CDH13: variants seen among roughly 807,000 people sequenced by gnomAD.
The protein encoded by CDH13 is cadherin 13.
In CDH13, 24 loss-of-function variants were observed where a neutral mutation model predicts 63.8. That is an observed-to-expected ratio of 0.38 (90% CI 0.27 to 0.53). CDH13 has a LOEUF of 0.53. Ranked by LOEUF, CDH13 falls within the 20% of genes least tolerant of loss-of-function variation. CDH13 has a pLI of 0.85. For missense variants in CDH13, 1,049 were observed against 903.1 expected, an observed-to-expected ratio of 1.16 and a Z score of -2.07; for synonymous variants, 503 against 355.3, an observed-to-expected ratio of 1.42 and a Z score of -4.67.
intron 3 of CDH13, among the ~76,000 whole-genome samples, chr16:83,043,140 G>A (rs1442903041): frequency 2.6e-5 from 4 of 152,066 alleles, no homozygotes; most frequent in African/African-American, 9.7e-5. Flanking sequence ...TGTTTATGTG[G>A]CTCTTAGCTC....
At chr16:82,807,065 A>G (rs2037180562) in intron 1 of CDH13, among the ~76,000 whole-genome samples, 1 of 151,346 alleles carries the variant, frequency 6.6e-6, no homozygotes. Context: ...TCTAAGTATA[A>G]GCTTTTGCAG....
At chr16:82,804,686 C>T (rs1484743492) in intron 1 of CDH13, among the ~76,000 whole-genome samples, 1 of 152,106 alleles carries the variant, frequency 6.6e-6, no homozygotes, top group African/African-American at 2.4e-5. Context: ...GTAGGAATCT[C>T]CTTACCCTTC....
At chr16:83,793,877 C>G (rs1193920065) in intron 13 of CDH13, among the ~76,000 whole-genome samples, 1 of 151,736 alleles carries the variant, frequency 6.6e-6, no homozygotes, top group Non-Finnish European at 1.5e-5. Context: ...GGGAGAGTAT[C>G]TTGGATTAGC....
At chr16:83,399,270 T>C (rs1382613293) in intron 6 of CDH13, among the ~76,000 whole-genome samples, 3 of 152,250 alleles carry the variant, frequency 2.0e-5, no homozygotes, top group African/African-American at 7.2e-5. Flanking sequence ...GCAGGCTTAT[T>C]ATGATGATCA....
intron 2 of CDH13, among the ~76,000 whole-genome samples, chr16:83,003,370 T>C (rs970857756): frequency 2.6e-5 from 4 of 152,088 alleles, no homozygotes; most frequent in Non-Finnish European, 4.4e-5. Context: ...AATTTATCTA[T>C]TTAACTGGCT....
At chr16:83,628,316 C>T (rs1229610199) in intron 8 of CDH13, among the ~76,000 whole-genome samples, 1 of 152,164 alleles carries the variant, frequency 6.6e-6, no homozygotes, top group Non-Finnish European at 1.5e-5. Flanking sequence ...CCTTGTTGCC[C>T]AGGCTGGTCT....
At chr16:82,995,493 G>A (rs150584783) in intron 2 of CDH13, among the ~76,000 whole-genome samples, 1 of 152,204 alleles carries the variant, frequency 6.6e-6, no homozygotes, top group African/African-American at 2.4e-5. Context: ...AGCTGAAAAG[G>A]GTAACATGGA....
At chr16:83,399,963 C>G (rs2091943411) in intron 6 of CDH13, among the ~76,000 whole-genome samples, 1 of 152,182 alleles carries the variant, frequency 6.6e-6, no homozygotes, top group African/African-American at 2.4e-5. Context: ...CAAAAAACCA[C>G]CTATGTGTTG....
intron 4 of CDH13, among the ~76,000 whole-genome samples, chr16:83,146,325 TA>T (rs1406328726): frequency 7.2e-5 from 11 of 152,242 alleles, no homozygotes; most frequent in Admixed American, 6.5e-4. Context: ...TATGTCTAGA[TA>T]ACTCCATCAC....
chr16:82,627,290 C>T, intron 1 of CDH13, 153 bp downstream of exon 1: 3 of 691,890 alleles, frequency 4.3e-6, no homozygotes, highest in Non-Finnish European at 5.2e-6. Flanking sequence ...CATTCCGAGC[C>T]CAGAGATCCT....
chr16:83,137,161 T>G (rs577689769), intron 4 of CDH13, among the ~76,000 whole-genome samples: 1 of 152,344 alleles, frequency 6.6e-6, no homozygotes, highest in African/African-American at 2.4e-5. Flanking sequence ...GGGTTGCAGC[T>G]GGTCTCATGC....
At chr16:83,794,020 T>C (rs776653430) in intron 13 of CDH13, among the ~76,000 whole-genome samples, 6 of 151,956 alleles carry the variant, frequency 3.9e-5, no homozygotes, top group Non-Finnish European at 8.8e-5. Flanking sequence ...GTGCTGCCTC[T>C]GAAGATGAAG....
chr16:83,464,817 T>C (rs372549977), intron 6 of CDH13, among the ~76,000 whole-genome samples: 3 of 152,162 alleles, frequency 2.0e-5, no homozygotes, highest in African/African-American at 7.2e-5. Flanking sequence ...CAGAAAGTGA[T>C]AATGTATTTT....
At chr16:83,148,675 A>G (rs2036853107) in intron 4 of CDH13, among the ~76,000 whole-genome samples, 1 of 152,184 alleles carries the variant, frequency 6.6e-6, no homozygotes, top group African/African-American at 2.4e-5. Context: ...GTATGGTGTT[A>G]TTATTATTAT....
At chr16:82,990,029 C>G (rs140298682) in intron 2 of CDH13, 254 of 152,112 alleles carry the variant, frequency 1.7e-3, no homozygotes, top group African/African-American at 5.9e-3. Context: ...TCAGGCAATT[C>G]TCTTATTTCA....
At chr16:83,779,727 G>A (rs530757565) in intron 11 of CDH13, among the ~76,000 whole-genome samples, 13 of 152,074 alleles carry the variant, frequency 8.5e-5, no homozygotes, top group South Asian at 2.1e-4. Context: ...GTGTGGTGGC[G>A]TGCACCTGTG....
intron 3 of CDH13, among the ~76,000 whole-genome samples, chr16:83,094,226 G>A (rs1379059844): frequency 6.6e-6 from 1 of 152,196 alleles, no homozygotes; most frequent in Admixed American, 6.5e-5. Flanking sequence ...TGCACGTGAA[G>A]ATATCTGAGC....
At chr16:83,108,550 A>C (rs993374614) in intron 3 of CDH13, among the ~76,000 whole-genome samples, 1 of 152,336 alleles carries the variant, frequency 6.6e-6, no homozygotes, top group South Asian at 2.1e-4. Flanking sequence ...CAAAGGGCAC[A>C]AACTTCCTTA....
At chr16:82,970,416 G>A (rs1321977229) in intron 2 of CDH13, among the ~76,000 whole-genome samples, 2 of 88,826 alleles carry the variant, frequency 2.3e-5, no homozygotes, top group African/African-American at 3.8e-5. Context: ...TTTTTGAGAC[G>A]GAGTCTCGCT....
Sources: gnomAD v4.1 joint callset for allele counts (sites outside exome capture counted in the v4.1 genomes callset) on GRCh38, gnomAD v4.1.1 for gene constraint, MANE v1.5 for transcripts, NCBI Gene and HGNC (gene_info 2026-07-23, HGNC 2026-07-21) for gene names.